SAMSN1: variants seen among roughly 807,000 people sequenced by gnomAD.
SAMSN1 encodes the protein SAM domain-containing protein SAMSN-1.
Under a neutral mutation model 42.0 loss-of-function variants are expected in SAMSN1, and 31 were observed. The ratio of observed to expected loss-of-function variants is 0.74; its 90% CI spans 0.55 to 1.00. The LOEUF (loss-of-function observed/expected upper bound fraction) is 1.00. Among genes scored for constraint, SAMSN1 ranks in the 50% least tolerant of loss-of-function variants. The pLI is 0.00. For missense variants in SAMSN1, 464 were observed against 439.4 expected (o/e 1.06, Z -0.50); for synonymous variants, 178 against 151.9 (o/e 1.17, Z -1.26).
chr21:14,532,478 A>G (rs1979331797), intron 1 of SAMSN1, among the ~76,000 whole-genome samples: 2 of 152,188 alleles, frequency 1.3e-5, no homozygotes, highest in Non-Finnish European at 2.9e-5. Flanking sequence ...TCCTATAACT[A>G]TTTTTATTGT....
intron 3 of SAMSN1, among the ~76,000 whole-genome samples, chr21:14,516,581 G>A (rs35447186): frequency 0.29 from 43,336 of 151,880 alleles, 6,930 homozygotes; most frequent in Non-Finnish European, 0.35. Flanking sequence ...TAGTAGAGAC[G>A]GGGTTTCACC....
At chr21:14,535,028 AT>A (rs1461588287) in intron 1 of SAMSN1, among the ~76,000 whole-genome samples, 1 of 152,202 alleles carries the variant, frequency 6.6e-6, no homozygotes, top group Non-Finnish European at 1.5e-5. Flanking sequence ...AGCACAGAGC[AT>A]TTTAGGCTAA....
chr21:14,602,724 G>A (rs1600957466), intron 5 of SAMSN1, among the ~76,000 whole-genome samples: 1 of 152,140 alleles, frequency 6.6e-6, no homozygotes, highest in East Asian at 1.9e-4. Flanking sequence ...CTTAATCCAA[G>A]CCTCTTATTT....
intron 2 of SAMSN1, among the ~76,000 whole-genome samples, chr21:14,578,732 A>G (rs1568816964): frequency 7.3e-6 from 1 of 137,158 alleles, no homozygotes; most frequent in Non-Finnish European, 1.6e-5. Context: ...TATTCCTAAA[A>G]TTTTTGAAGT....
At chr21:14,648,257 C>CA (rs1318194783) in intron 1 of SAMSN1, among the ~76,000 whole-genome samples, 1 of 152,096 alleles carries the variant, frequency 6.6e-6, no homozygotes, top group East Asian at 1.9e-4. Flanking sequence ...ACACCTTATC[C>CA]AAAAATCAAT....
intron 2 of SAMSN1, among the ~76,000 whole-genome samples, chr21:14,622,907 C>G (rs1264580543): frequency 2.0e-5 from 3 of 152,228 alleles, no homozygotes; most frequent in African/African-American, 7.2e-5. Flanking sequence ...GCCCATCTGA[C>G]TAACAGCGGA....
intron 2 of SAMSN1, among the ~76,000 whole-genome samples, chr21:14,551,547 A>G (rs1568805086): frequency 6.6e-6 from 1 of 152,056 alleles, no homozygotes. Flanking sequence ...AATTATAAGT[A>G]TTTCCTTTCT....
At chr21:14,506,774 C>G (rs1024161771) in intron 5 of SAMSN1, among the ~76,000 whole-genome samples, 1 of 152,128 alleles carries the variant, frequency 6.6e-6, no homozygotes, top group Non-Finnish European at 1.5e-5. Flanking sequence ...CCCTGATGAA[C>G]ATAGATGCTA....
At chr21:14,624,762 C>A (rs1446727777) in intron 2 of SAMSN1, among the ~76,000 whole-genome samples, 1 of 152,142 alleles carries the variant, frequency 6.6e-6, no homozygotes, top group Non-Finnish European at 1.5e-5. Flanking sequence ...AGGGAATCCT[C>A]CCTAACTCAT....
At chr21:14,583,445 G>A (rs909185633), upstream of SAMSN1, 5 of 515,018 alleles carry the variant, frequency 9.7e-6, no homozygotes, top group Non-Finnish European at 1.7e-5. Flanking sequence ...CGGTCTTGAA[G>A]GCAAGGAGAA....
intron 2 of SAMSN1, among the ~76,000 whole-genome samples, chr21:14,572,017 A>T (rs1342119381): frequency 6.6e-6 from 1 of 152,062 alleles, no homozygotes; most frequent in East Asian, 1.9e-4. Context: ...GTAATACAGA[A>T]TTGTTGATGG....
intron 2 of SAMSN1, among the ~76,000 whole-genome samples, chr21:14,638,982 T>C (rs1054415053): frequency 2.0e-5 from 3 of 152,194 alleles, no homozygotes; most frequent in South Asian, 4.1e-4. Context: ...AGCTGACAAA[T>C]ATTTATTGAA....
intron 3 of SAMSN1, among the ~76,000 whole-genome samples, chr21:14,512,839 A>C (rs1395808237): frequency 2.0e-5 from 3 of 152,200 alleles, no homozygotes; most frequent in Non-Finnish European, 4.4e-5. Context: ...GATGAATATC[A>C]TATCAATATT....
At chr21:14,589,588 T>C (rs1417006458) in intron 7 of SAMSN1, among the ~76,000 whole-genome samples, 1 of 152,118 alleles carries the variant, frequency 6.6e-6, no homozygotes, top group African/African-American at 2.4e-5. Flanking sequence ...TACATATATT[T>C]GCTGGAAAGG....
chr21:14,586,856 C>G (rs1981935343), upstream of SAMSN1, among the ~76,000 whole-genome samples: 1 of 152,140 alleles, frequency 6.6e-6, no homozygotes, highest in South Asian at 2.1e-4. Context: ...AAAAGTCAGC[C>G]AGGCAAGTAG....
chr21:14,586,221 C>G (rs1020989010), upstream of SAMSN1, among the ~76,000 whole-genome samples: 3 of 139,894 alleles, frequency 2.1e-5, no homozygotes, highest in Non-Finnish European at 3.0e-5. Context: ...CGAGATCGCA[C>G]CACTGAACTC....
chr21:14,569,528 A>T (rs534056969), intron 2 of SAMSN1, among the ~76,000 whole-genome samples: 1 of 151,972 alleles, frequency 6.6e-6, no homozygotes, highest in East Asian at 1.9e-4. Context: ...TTTTTCCCAG[A>T]TTTTTTCTGT....
At chr21:14,647,022 A>G (rs1257056298) in intron 1 of SAMSN1, among the ~76,000 whole-genome samples, 2 of 152,194 alleles carry the variant, frequency 1.3e-5, no homozygotes, top group Non-Finnish European at 2.9e-5. Context: ...AGACCATAAA[A>G]CAACCCGAAA....
At chr21:14,579,793 T>C (rs1981644660) in intron 2 of SAMSN1, among the ~76,000 whole-genome samples, 2 of 152,084 alleles carry the variant, frequency 1.3e-5, no homozygotes, top group African/African-American at 4.8e-5. Context: ...CTTCTTCAGA[T>C]ATTTATTGAG....
Sources: allele counts gnomAD v4.1 joint callset (sites outside exome capture counted in the v4.1 genomes callset), GRCh38; gene constraint gnomAD v4.1.1; transcripts MANE v1.5; gene names NCBI Gene and HGNC (gene_info 2026-07-23, HGNC 2026-07-21).